KCTD14: variants seen among roughly 807,000 people sequenced by gnomAD.
KCTD14 encodes the protein BTB/POZ domain-containing protein KCTD14.
KCTD14 carries 7 observed loss-of-function variants against 5.9 expected under a neutral mutation model. The observed-to-expected ratio is 1.19, with a 90% confidence interval of 0.68 to 2.23. The LOEUF (loss-of-function observed/expected upper bound fraction) is 2.23. Among genes scored for constraint, KCTD14 ranks in the 30% most tolerant of loss-of-function variants. The pLI, the probability that KCTD14 is intolerant of heterozygous loss-of-function variation, is 0.00. For synonymous variants in KCTD14, 140 were observed against 133.1 expected, an observed-to-expected ratio of 1.05 and a Z score of -0.36; for missense variants, 342 against 332.2, an observed-to-expected ratio of 1.03 and a Z score of -0.23.
At chr11:78,023,060 C>T in intron 1 of KCTD14, 100 bp downstream of exon 1, 1 of 788,974 alleles carries the variant, frequency 1.3e-6, no homozygotes, top group Non-Finnish European at 2.0e-6. Flanking sequence ...GGGGCTCGGG[C>T]GTCTGGGAGG....
At position 78,016,853 on chromosome 11, in the gene KCTD14, C is replaced by A; in HGVS notation, c.508G>T (p.Val170Leu). ...AITARKSSVL[V>L]CLVETEEQDA... ...TGCTCCTCAGTTTCCACCAGGCACACAAGCACGCTGGACTTCCGTGCTGTT... is the reference window on the plus strand; with the variant it reads ...TGCTCCTCAGTTTCCACCAGGCACAAAAGCACGCTGGACTTCCGTGCTGTT... Residue 170 changes from valine (V) to leucine (L), a missense_variant, in exon 2 of 2, where the codon GTG (valine) becomes TTG (leucine). Transcript: ENST00000353172. The A allele has an allele frequency of 6.2e-7, 1 of 1,614,218 alleles. No homozygotes were observed. Among genetic ancestry groups the A allele is most frequent in the South Asian group, 1.1e-5 (1 of 91,090 alleles).
chr11:78,034,857 C>CT (rs1324242667), intron 2 of KCTD14, among the ~76,000 whole-genome samples: 1 of 152,106 alleles, frequency 6.6e-6, no homozygotes, highest in African/African-American at 2.4e-5. Flanking sequence ...TTCCACCCTG[C>CT]TTTTATTCAC....
intron 1 of KCTD14, among the ~76,000 whole-genome samples, chr11:78,044,145 C>T (rs1858067933): frequency 6.6e-6 from 1 of 152,160 alleles, no homozygotes; most frequent in South Asian, 2.1e-4. Context: ...TTCCCCAGCC[C>T]ACACCCCAAA....
At chr11:78,025,085 C>T (rs1211727208), upstream of KCTD14, among the ~76,000 whole-genome samples, 3 of 89,388 alleles carry the variant, frequency 3.4e-5, no homozygotes, top group Non-Finnish European at 7.0e-5. Context: ...TATATACACA[C>T]GTGTGTGTGT....
chr11:78,022,201 G>A (rs1305720974), intron 1 of KCTD14, among the ~76,000 whole-genome samples: 1 of 152,118 alleles, frequency 6.6e-6, no homozygotes, highest in Non-Finnish European at 1.5e-5. Context: ...CTGAGCCTAA[G>A]AGTTTGAGAC....
At chr11:78,033,574 C>T (rs896496023) in intron 2 of KCTD14, among the ~76,000 whole-genome samples, 1 of 151,516 alleles carries the variant, frequency 6.6e-6, no homozygotes, top group Non-Finnish European at 1.5e-5. Flanking sequence ...CCCAGCTACT[C>T]AGGAAGCTGA....
chr11:78,016,602 G>A lies in KCTD14; in HGVS notation c.759C>T (p.Thr253=). ...FHFNIYSFTF[T]WW The stretch of plus-strand genomic sequence containing the variant: ...TCTCTGCTCCTGAGGATCACCACCA[G>A]GTGAAGGTGAATGAATAAATGTTAA... Residue 253 remains threonine (T), a synonymous_variant, in exon 2 of 2, where the codon ACC becomes ACT. Coordinates refer to ENST00000353172, the MANE Select transcript of KCTD14 (RefSeq NM_023930.4). The A allele has an allele frequency of 6.2e-7, 1 of 1,612,876 alleles. No individual in the cohort carries two copies. The highest frequency in any genetic ancestry group is 8.5e-7 in the Non-Finnish European group (1 of 1,178,890).
intron 1 of KCTD14, among the ~76,000 whole-genome samples, 196 bp from the exon 2 acceptor site, chr11:78,017,466 T>C (rs1268963361): frequency 1.4e-5 from 2 of 147,592 alleles, no homozygotes; most frequent in African/African-American, 4.9e-5. Flanking sequence ...TTTTTTTTTT[T>C]CGACGGAGTC....
chr11:78,029,654 A>G (rs1352657278), intron 2 of KCTD14, among the ~76,000 whole-genome samples: 1 of 152,246 alleles, frequency 6.6e-6, no homozygotes, highest in Non-Finnish European at 1.5e-5. Flanking sequence ...TTTGCAAAAT[A>G]AACTTTAGTC....
rs577422666 is a variant in KCTD14 at position 78,016,115 on chromosome 11, T to C, written c.*478A>G. 1 of 172,238 alleles carries C rather than the reference T, an allele frequency of 5.8e-6. No homozygotes were observed. The highest frequency in any genetic ancestry group is 1.6e-4 in the East Asian group (1 of 6,418). The allele number at this position is 172,238 out of a possible 1,614,324, so 10.7% of individuals were successfully genotyped here. ...CCTCCACTCTAGAGAAGAGGACAGC[T>C]CTGAGGTGTTAGCACCCACAGCATC... On this transcript the variant is annotated 3_prime_UTR_variant, in exon 2 of 2. Coordinates refer to ENST00000353172, the MANE Select transcript of KCTD14 (RefSeq NM_023930.4).
At chr11:78,027,368 A>ATTT (rs60411445), upstream of KCTD14, among the ~76,000 whole-genome samples, 27,225 of 145,174 alleles carry the variant, frequency 0.19, 2,784 homozygotes, top group Admixed American at 0.31. Flanking sequence ...CCCCATCCCT[A>ATTT]TTTTTTTTTT....
intron 2 of KCTD14, among the ~76,000 whole-genome samples, chr11:78,034,806 A>G (rs1220885270): frequency 6.6e-6 from 1 of 152,124 alleles, no homozygotes; most frequent in African/African-American, 2.4e-5. Context: ...TTTATGGGCC[A>G]TGAGCTCTCC....
chr11:78,038,215 C>T (rs994062071), intron 2 of KCTD14, among the ~76,000 whole-genome samples: 2 of 152,160 alleles, frequency 1.3e-5, no homozygotes, highest in Middle Eastern at 3.2e-3. Flanking sequence ...CTTGGGACCT[C>T]GGGTGTCCTG....
At chr11:78,045,046 C>T (rs989286468) in intron 1 of KCTD14, among the ~76,000 whole-genome samples, 1 of 152,152 alleles carries the variant, frequency 6.6e-6, no homozygotes, top group African/African-American at 2.4e-5. Flanking sequence ...AGGTCACACA[C>T]AAGTTAAGCT....
chr11:78,038,450 G>C (rs1387125604), intron 2 of KCTD14, among the ~76,000 whole-genome samples: 1 of 152,184 alleles, frequency 6.6e-6, no homozygotes, highest in African/African-American at 2.4e-5. Context: ...CTGTCACTCA[G>C]AAGGGCATCT....
chr11:78,039,297 G>A (rs748344058), intron 1 of KCTD14, among the ~76,000 whole-genome samples: 7 of 151,902 alleles, frequency 4.6e-5, no homozygotes, highest in Admixed American at 6.6e-5. Flanking sequence ...CAGGCAGACC[G>A]CTTGAGCCCA....
At chr11:78,035,917 TG>T (rs1857784826) in intron 2 of KCTD14, among the ~76,000 whole-genome samples, 1 of 150,830 alleles carries the variant, frequency 6.6e-6, no homozygotes, top group Non-Finnish European at 1.5e-5. Context: ...TCCAGCACTT[TG>T]GGAGGTCAAG....
chr11:78,017,260 A>G lies in KCTD14; in HGVS notation c.101T>C (p.Val34Ala), dbSNP rs2136700210. The change falls in exon 2 of 2, where the codon GTT becomes GCT. Residue 34 changes from valine to alanine, a missense_variant. Physicochemically the swap from Val to Ala is moderately conservative, Grantham distance 64. Transcript: ENST00000353172. ...PRPRRPTMSTVVELNVGGEFH... is the reference protein window; with the variant it reads ...PRPRRPTMSTAVELNVGGEFH... ...CTCACCCCCGACGTTCAGCTCCACA[A>G]CAGTAGACATCTGGGGGCACAAGAG... The G allele has an allele frequency of 1.3e-6, 2 of 1,593,552 alleles. No homozygotes were observed. The highest frequency in any genetic ancestry group is 1.7e-4 in the Middle Eastern group (1 of 5,976).
chr11:78,020,873 G>T (rs865794148), intron 1 of KCTD14, among the ~76,000 whole-genome samples: 1 of 152,106 alleles, frequency 6.6e-6, no homozygotes, highest in Non-Finnish European at 1.5e-5. Context: ...TTTGCTTTCC[G>T]TCTCTGGAAC....
Sources: allele counts gnomAD v4.1 joint callset (sites outside exome capture counted in the v4.1 genomes callset), GRCh38; gene constraint gnomAD v4.1.1; transcripts MANE v1.5; gene names NCBI Gene and HGNC (gene_info 2026-07-23, HGNC 2026-07-21).